MAN1A1: variants seen among roughly 807,000 people sequenced by gnomAD.
The protein encoded by MAN1A1 is mannosyl-oligosaccharide 1,2-alpha-mannosidase IA.
Under a neutral mutation model 70.8 loss-of-function variants are expected in MAN1A1, and 29 were observed. The ratio of observed to expected loss-of-function variants is 0.41; its 90% CI spans 0.31 to 0.56. The LOEUF (loss-of-function observed/expected upper bound fraction) is 0.56, where lower values mean the gene tolerates loss of function less well. Among genes scored for constraint, MAN1A1 ranks in the 20% least tolerant of loss-of-function variants. The pLI, the probability that MAN1A1 is intolerant of heterozygous loss-of-function variation, is 0.29. For missense variants in MAN1A1, 747 were observed against 841.3 expected (o/e 0.89, Z 1.39); for synonymous variants, 349 against 330.1 (o/e 1.06, Z -0.62).
intron 6 of MAN1A1, among the ~76,000 whole-genome samples, chr6:119,237,808 A>C (rs1251483090): frequency 6.6e-6 from 1 of 152,220 alleles, no homozygotes; most frequent in Non-Finnish European, 1.5e-5. Context: ...ATCCATGCTT[A>C]AACAAGGTAT....
At chr6:119,315,423 C>T (rs3798638) in intron 2 of MAN1A1, among the ~76,000 whole-genome samples, 5 of 152,130 alleles carry the variant, frequency 3.3e-5, no homozygotes, top group Non-Finnish European at 7.4e-5. Context: ...TTGTAATGGA[C>T]AGATTGTTCT....
At chr6:119,345,115 A>G (rs1363916955) in intron 2 of MAN1A1, among the ~76,000 whole-genome samples, 3 of 151,912 alleles carry the variant, frequency 2.0e-5, no homozygotes, top group Non-Finnish European at 4.4e-5. Flanking sequence ...ACGAAAAAAA[A>G]AGTCATCCTC....
intron 6 of MAN1A1, among the ~76,000 whole-genome samples, chr6:119,247,681 A>C (rs1775204116): frequency 6.6e-6 from 1 of 152,080 alleles, no homozygotes; most frequent in African/African-American, 2.4e-5. Flanking sequence ...ATTCTCAAGA[A>C]CTTGGCATAT....
At chr6:119,195,946 G>A (rs1032528174) in intron 8 of MAN1A1, among the ~76,000 whole-genome samples, 1 of 152,114 alleles carries the variant, frequency 6.6e-6, no homozygotes, top group Non-Finnish European at 1.5e-5. Context: ...GACTAAGTAC[G>A]AACTCATCAA....
intron 2 of MAN1A1, among the ~76,000 whole-genome samples, chr6:119,328,335 C>G (rs1258572786): frequency 2.0e-5 from 3 of 152,200 alleles, no homozygotes; most frequent in Non-Finnish European, 2.9e-5. Flanking sequence ...TGTGCATCCG[C>G]TCACTTGCTG....
At chr6:119,239,064 A>G (rs750013860) in intron 6 of MAN1A1, among the ~76,000 whole-genome samples, 1 of 151,820 alleles carries the variant, frequency 6.6e-6, no homozygotes, top group Non-Finnish European at 1.5e-5. Context: ...CTAATTTTTT[A>G]TATTTTTAGT....
At chr6:119,208,077 G>T (rs556560251) in intron 6 of MAN1A1, among the ~76,000 whole-genome samples, 9 of 152,100 alleles carry the variant, frequency 5.9e-5, no homozygotes, top group Non-Finnish European at 1.2e-4. Context: ...GAAAGGAAAA[G>T]ATATTTAAAT....
intron 6 of MAN1A1, among the ~76,000 whole-genome samples, chr6:119,228,218 ATAACT>A (rs1221955165): frequency 6.6e-6 from 1 of 152,212 alleles, no homozygotes; most frequent in Non-Finnish European, 1.5e-5. Flanking sequence ...TTATTCCTCA[ATAACT>A]TAACTGAAGA....
chr6:119,268,041 G>A (rs1231575694), intron 5 of MAN1A1, among the ~76,000 whole-genome samples: 1 of 152,170 alleles, frequency 6.6e-6, no homozygotes, highest in Non-Finnish European at 1.5e-5. Flanking sequence ...GTTATCAGGA[G>A]GCACTATGTG....
chr6:119,251,816 T>C (rs1305123618), intron 5 of MAN1A1, among the ~76,000 whole-genome samples: 2 of 152,218 alleles, frequency 1.3e-5, no homozygotes, highest in South Asian at 2.1e-4. Flanking sequence ...GGCAGGAAGA[T>C]ATTAATATTC....
At position 119,349,691 on chromosome 6, in the gene MAN1A1, C is replaced by G. The variant is rs2114522477; in HGVS notation, c.-372G>C. On this transcript the variant is annotated 5_prime_UTR_variant, in exon 1 of 13. Coordinates refer to ENST00000368468, the MANE Select transcript of MAN1A1 (RefSeq NM_005907.4). ...CCCCGGCGCGGCTCAGGTGGGCGAGCGCGCCGACCTGCGGGCGAATGGCAG... is the reference window on the plus strand; with the variant it reads ...CCCCGGCGCGGCTCAGGTGGGCGAGGGCGCCGACCTGCGGGCGAATGGCAG... 3.0e-6 allele frequency: 3 copies of G among 985,846 alleles called. No individual in the cohort carries two copies. The highest frequency in any genetic ancestry group is 5.2e-4 in the Middle Eastern group (1 of 1,914). 61.1% of individuals were successfully genotyped at this position (985,846 alleles called of 1,614,324 possible).
chr6:119,227,035 C>T (rs189883403), intron 6 of MAN1A1, among the ~76,000 whole-genome samples: 2 of 152,202 alleles, frequency 1.3e-5, no homozygotes, highest in East Asian at 1.9e-4. Context: ...ACACAAACAT[C>T]CATAAACAGG....
At chr6:119,266,811 C>T (rs1313801026) in intron 5 of MAN1A1, among the ~76,000 whole-genome samples, 2 of 151,950 alleles carry the variant, frequency 1.3e-5, no homozygotes, top group South Asian at 2.1e-4. Flanking sequence ...CAAGCCAAGG[C>T]CTAAGAGAAA....
At chr6:119,207,136 C>T (rs1012279074) in intron 6 of MAN1A1, among the ~76,000 whole-genome samples, 6 of 152,268 alleles carry the variant, frequency 3.9e-5, no homozygotes, top group South Asian at 2.1e-4. Context: ...GCATTCAATA[C>T]GTTTAGAAAC....
intron 12 of MAN1A1, 64 bp from the exon 13 acceptor site, chr6:119,180,009 C>A: frequency 6.5e-7 from 1 of 1,541,984 alleles, no homozygotes; most frequent in Non-Finnish European, 8.9e-7. Context: ...ACCACAAACA[C>A]ACAGCAAAAA....
chr6:119,240,107 C>A (rs966359198), intron 6 of MAN1A1, among the ~76,000 whole-genome samples: 1 of 152,144 alleles, frequency 6.6e-6, no homozygotes, highest in Admixed American at 6.5e-5. Context: ...ATTTAACAAT[C>A]CAGTCCCATC....
intron 6 of MAN1A1, among the ~76,000 whole-genome samples, chr6:119,238,985 G>A (rs1417981835): frequency 6.6e-6 from 1 of 152,030 alleles, no homozygotes; most frequent in Non-Finnish European, 1.5e-5. Context: ...CCGCCTCCCG[G>A]GTTCATGCCA....
At chr6:119,228,156 C>T (rs938052831) in intron 6 of MAN1A1, among the ~76,000 whole-genome samples, 1 of 152,120 alleles carries the variant, frequency 6.6e-6, no homozygotes, top group South Asian at 2.1e-4. Context: ...TTCAGAGAGA[C>T]CCCTGTAATA....
chr6:119,278,085 G>A (rs1776126856), intron 5 of MAN1A1, among the ~76,000 whole-genome samples: 1 of 152,000 alleles, frequency 6.6e-6, no homozygotes, highest in Non-Finnish European at 1.5e-5. Flanking sequence ...GTTCAAGGAT[G>A]CAGTGAACTA....
Sources: gnomAD v4.1 joint callset for allele counts (sites outside exome capture counted in the v4.1 genomes callset) on GRCh38, gnomAD v4.1.1 for gene constraint, MANE v1.5 for transcripts, NCBI Gene and HGNC (gene_info 2026-07-23, HGNC 2026-07-21) for gene names.